Variants in BAZ2B observed in about 807,000 individuals in gnomAD.
BAZ2B encodes the protein bromodomain adjacent to zinc finger domain 2B.
In BAZ2B, 91 loss-of-function variants were observed where a neutral mutation model predicts 246.0. The observed-to-expected ratio is 0.37, with a 90% CI of 0.31 to 0.44. BAZ2B has a LOEUF of 0.44. Among genes scored for constraint, BAZ2B ranks in the 20% least tolerant of loss-of-function variants. The probability of loss-of-function intolerance (pLI) is 1.00; values close to 1 mark genes in which losing one functional copy is unlikely to be tolerated. For missense variants in BAZ2B, 2,332 were observed against 2,533.7 expected (o/e 0.92, Z 1.71); for synonymous variants, 855 against 860.0 (o/e 0.99, Z 0.10).
chr2:159,612,325 A>C (rs1420891787), intron 1 of BAZ2B, among the ~76,000 whole-genome samples: 1 of 152,106 alleles, frequency 6.6e-6, no homozygotes, highest in Admixed American at 6.5e-5. Context: ...ATGGTAAAAA[A>C]TACTTAATTT....
chr2:159,528,134 A>G (rs1176940324), intron 2 of BAZ2B, among the ~76,000 whole-genome samples: 1 of 152,166 alleles, frequency 6.6e-6, no homozygotes, highest in Non-Finnish European at 1.5e-5. Context: ...TTGGAAGCTA[A>G]TAAGGAGTTT....
At chr2:159,708,094 TGAGGCTTGGAGTTTGG>T in the BAZ2B span, among the ~76,000 whole-genome samples, 1 of 152,078 alleles carries the variant, frequency 6.6e-6, no homozygotes, top group Non-Finnish European at 1.5e-5. Flanking sequence ...GAGGATCACT[TGAGGCTTGGAGTTTGG>T]GACCAGCCTG....
intron 1 of BAZ2B, among the ~76,000 whole-genome samples, chr2:159,576,307 T>C (rs1685266879): frequency 6.6e-6 from 1 of 151,960 alleles, no homozygotes; most frequent in Non-Finnish European, 1.5e-5. Flanking sequence ...CAGCATAACA[T>C]CGATGTGGTC....
At chr2:159,385,115 A>T (rs750776533) in intron 23 of BAZ2B, 40 bp downstream of exon 23, 2 of 1,558,772 alleles carry the variant, frequency 1.3e-6, no homozygotes, top group Non-Finnish European at 1.8e-6. Flanking sequence ...AGAAAAATTC[A>T]AAATGGAAAA....
intron 23 of BAZ2B, among the ~76,000 whole-genome samples, chr2:159,384,868 A>T (rs935859950): frequency 6.6e-6 from 1 of 152,256 alleles, no homozygotes; most frequent in African/African-American, 2.4e-5. Flanking sequence ...CTAAAAATAT[A>T]AAAAAAGTTA....
At chr2:159,429,160 T>C (rs762350406) in intron 11 of BAZ2B, 40 bp downstream of exon 11, 1 of 1,375,744 alleles carries the variant, frequency 7.3e-7, no homozygotes, top group East Asian at 2.3e-5. Context: ...TGCATAAATA[T>C]ATGGGGGAAA....
chr2:159,470,255 A>G (rs2077611167), intron 3 of BAZ2B, among the ~76,000 whole-genome samples: 1 of 152,244 alleles, frequency 6.6e-6, no homozygotes, highest in Admixed American at 6.5e-5. Context: ...ATTCATAATA[A>G]AAGACTCTCA....
At chr2:159,618,911 G>A (rs185834719), upstream of BAZ2B, among the ~76,000 whole-genome samples, 1 of 152,088 alleles carries the variant, frequency 6.6e-6, no homozygotes, top group African/African-American at 2.4e-5. Context: ...TGCAAAGCAT[G>A]GTTCAATTTT....
At chr2:159,443,255 C>T (rs1450467919) in intron 6 of BAZ2B, among the ~76,000 whole-genome samples, 1 of 152,056 alleles carries the variant, frequency 6.6e-6, no homozygotes, top group Non-Finnish European at 1.5e-5. Context: ...CTCATTCAAC[C>T]TTGAATTGTT....
At chr2:159,356,565 C>T (rs941296220) in intron 27 of BAZ2B, among the ~76,000 whole-genome samples, 4 of 152,176 alleles carry the variant, frequency 2.6e-5, no homozygotes, top group Non-Finnish European at 4.4e-5. Flanking sequence ...CAGACTTAAA[C>T]GTTCCTGCCT....
intron 20 of BAZ2B, among the ~76,000 whole-genome samples, chr2:159,394,561 ATTG>A (rs1339954581): frequency 2.0e-5 from 3 of 152,170 alleles, no homozygotes; most frequent in Non-Finnish European, 4.4e-5. Flanking sequence ...ACAGAAAGTG[ATTG>A]TTGTAATATA....
chr2:159,602,892 T>C (rs545356022), intron 1 of BAZ2B, among the ~76,000 whole-genome samples: 7 of 152,240 alleles, frequency 4.6e-5, no homozygotes, highest in Middle Eastern at 6.8e-3. Context: ...ATCCCAACAC[T>C]TTGGAAGGCT....
chr2:159,569,980 C>T (rs1441797995), intron 1 of BAZ2B, among the ~76,000 whole-genome samples: 1 of 152,084 alleles, frequency 6.6e-6, no homozygotes, highest in African/African-American at 2.4e-5. Context: ...TGTGCACAGT[C>T]TCTGATACAT....
chr2:159,382,523 T>C, intron 25 of BAZ2B, 36 bp downstream of exon 25: 1 of 1,538,916 alleles, frequency 6.5e-7, no homozygotes, highest in Admixed American at 2.0e-5. Context: ...TGTTATGCAG[T>C]TCTAGTTGTC....
the BAZ2B span, among the ~76,000 whole-genome samples, chr2:159,655,662 G>C: frequency 6.6e-6 from 1 of 152,084 alleles, no homozygotes; most frequent in African/African-American, 2.4e-5. Context: ...CATTGCATTG[G>C]ATAATTTCTA....
At chr2:159,678,036 A>G in the BAZ2B span, among the ~76,000 whole-genome samples, 1 of 152,220 alleles carries the variant, frequency 6.6e-6, no homozygotes, top group Non-Finnish European at 1.5e-5. Flanking sequence ...CTATTATGTT[A>G]CCTAGTCTCA....
rs1326414125 is a variant in BAZ2B, at chr2:159,536,388, A to G, written c.-3+19435T>C. On this transcript the variant is annotated intron_variant, in intron 2 of 36. Coordinates refer to ENST00000392783, the MANE Select transcript of BAZ2B (RefSeq NM_013450.4). The stretch of plus-strand genomic sequence containing the variant: ...AATGGAAAATTTTCTAAGTGTTCAT[A>G]TTTTTAATGAAATAATAGCGTATTT... 6 of 152,196 alleles carry G rather than the reference A, an allele frequency of 3.9e-5. 1 individual carries two copies. Among genetic ancestry groups the G allele is most frequent in the Non-Finnish European group, 2.9e-5 (2 of 68,028 alleles). 9.4% of individuals were successfully genotyped at this position (152,196 alleles called of 1,614,324 possible). A position where few individuals can be genotyped will look rare whatever the true frequency, so the allele number is the denominator to read the frequency against.
Position 159,386,390 on chromosome 2 carries a change from G to A in BAZ2B, c.3434C>T (p.Ala1145Val). The A allele has an allele frequency of 6.2e-7, 1 of 1,613,200 alleles. No individual in the cohort carries two copies. Residue 1145 changes from alanine to valine, a missense_variant, in exon 22 of 37, where the codon GCT becomes GTT. Transcript: ENST00000392783. ...VQDLLVRLLS[A>V]AVCDPGLITG... ...TATTAGACCTGGATCACATACAGCAGCTGAGAGGAGCCTCACAAGCAAGTC... is the reference window on the plus strand; with the variant it reads ...TATTAGACCTGGATCACATACAGCAACTGAGAGGAGCCTCACAAGCAAGTC...
chr2:159,698,544 A>AC, the BAZ2B span, among the ~76,000 whole-genome samples: 1 of 147,268 alleles, frequency 6.8e-6, no homozygotes, highest in African/African-American at 2.6e-5. Context: ...AAAACAAAGA[A>AC]AAAGAGAATG....
Sources: gnomAD v4.1 joint callset for allele counts (sites outside exome capture counted in the v4.1 genomes callset) on GRCh38, gnomAD v4.1.1 for gene constraint, MANE v1.5 for transcripts, NCBI Gene and HGNC (gene_info 2026-07-23, HGNC 2026-07-21) for gene names.